KLHL14: variants seen among roughly 807,000 people sequenced by gnomAD.
KLHL14 encodes the protein kelch-like protein 14.
Under a neutral mutation model 64.3 loss-of-function variants are expected in KLHL14, and 22 were observed. The ratio of observed to expected loss-of-function variants is 0.34; its 90% CI spans 0.24 to 0.49. The LOEUF (loss-of-function observed/expected upper bound fraction) is 0.49, where lower values mean the gene tolerates loss of function less well. KLHL14 is among the 20% of genes least tolerant of loss of function. The pLI is 0.99. For synonymous variants in KLHL14, 322 were observed against 333.4 expected (o/e 0.97, Z 0.37); for missense variants, 661 against 789.0 (o/e 0.84, Z 1.94).
intron 2 of KLHL14, chr18:32,745,314 T>C (rs1348674642): frequency 6.6e-6 from 1 of 152,242 alleles, no homozygotes; most frequent in East Asian, 1.9e-4. Flanking sequence ...TTTGTGAAGA[T>C]GAACCAAATT....
At chr18:32,717,091 G>T (rs886643689) in intron 3 of KLHL14, among the ~76,000 whole-genome samples, 1 of 152,110 alleles carries the variant, frequency 6.6e-6, no homozygotes, top group African/African-American at 2.4e-5. Context: ...GGTCAACCTG[G>T]TTGTACCATA....
At position 32,770,296 on chromosome 18, in the gene KLHL14, G is replaced by A. The variant is rs371127442; in HGVS notation, c.296C>T (p.Pro99Leu). The A allele has an allele frequency of 4.6e-5, 73 of 1,586,736 alleles. No individual in the cohort carries two copies. The highest frequency in any genetic ancestry group is 5.9e-5 in the Non-Finnish European group (69 of 1,166,354). The change falls in exon 2 of 9, where the codon CCG (proline) becomes CTG (leucine). Residue 99 changes from proline to leucine, a missense_variant. By Grantham distance (98) the Pro-to-Leu change is moderately conservative. Coordinates refer to ENST00000359358, the MANE Select transcript of KLHL14 (RefSeq NM_020805.3). This position sits in a 1 kb window ranked among gnomAD's most constrained non-coding sequence, Gnocchi z 6.7. ...QQQPSQQQQP[P>L]PQEEPGTPSS... is the part of the protein sequence containing the mutation. Reference sequence around the variant, plus strand: ...AGGAGTCCCGGGCTCCTCCTGCGGCGGCGGCTGCTGCTGCTGTGACGGCTG... The same window carrying A: ...AGGAGTCCCGGGCTCCTCCTGCGGCAGCGGCTGCTGCTGCTGTGACGGCTG...
intron 5 of KLHL14, among the ~76,000 whole-genome samples, chr18:32,682,625 A>C (rs1225022077): frequency 6.6e-6 from 1 of 152,186 alleles, no homozygotes. Context: ...TCTAAATATA[A>C]AATAAAATTT....
At chr18:32,706,738 G>A (rs932215229) in intron 3 of KLHL14, among the ~76,000 whole-genome samples, 2 of 151,878 alleles carry the variant, frequency 1.3e-5, no homozygotes, top group African/African-American at 4.8e-5. Flanking sequence ...TTTTTAAGTC[G>A]TTATGGGAAT....
intron 5 of KLHL14, 111 bp downstream of exon 5, chr18:32,687,044 T>C: frequency 1.2e-6 from 1 of 859,600 alleles, no homozygotes; most frequent in Non-Finnish European, 1.9e-6. Flanking sequence ...TTTTGCCTCA[T>C]ATGTCTTTCA....
At chr18:32,678,612 A>G (rs1863644951) in intron 7 of KLHL14, among the ~76,000 whole-genome samples, 3 of 152,184 alleles carry the variant, frequency 2.0e-5, no homozygotes, top group Admixed American at 2.0e-4. Context: ...ATTTGAAGAT[A>G]TATGTGCCTT....
intron 3 of KLHL14, among the ~76,000 whole-genome samples, chr18:32,700,175 C>T (rs1568068347): frequency 6.6e-6 from 1 of 151,974 alleles, no homozygotes; most frequent in Non-Finnish European, 1.5e-5. Flanking sequence ...TCATGAATAT[C>T]CAAACAAGAG....
intron 3 of KLHL14, among the ~76,000 whole-genome samples, chr18:32,706,183 G>T (rs188220148): frequency 1.3e-5 from 2 of 152,286 alleles, no homozygotes; most frequent in East Asian, 3.9e-4. Flanking sequence ...GTGTATGCGT[G>T]ATGTCCAGTA....
chr18:32,764,163 AATATACTCGCCT>A (rs2050328601), intron 2 of KLHL14, among the ~76,000 whole-genome samples: 1 of 152,224 alleles, frequency 6.6e-6, no homozygotes, highest in Non-Finnish European at 1.5e-5. Flanking sequence ...TAGTGTGTTA[AATATACTCGCCT>A]ATTTTGATTT....
At chr18:32,743,356 G>A (rs1292275681) in intron 2 of KLHL14, 1 of 152,214 alleles carries the variant, frequency 6.6e-6, no homozygotes, top group Non-Finnish European at 1.5e-5. Flanking sequence ...TGTTGGTTAA[G>A]AACCTAACAT....
intron 2 of KLHL14, among the ~76,000 whole-genome samples, chr18:32,754,914 TG>T (rs2050273782): frequency 1.3e-5 from 2 of 152,152 alleles, no homozygotes; most frequent in Admixed American, 1.3e-4. Context: ...GAAATCATCC[TG>T]GGGCAAAGAT....
chr18:32,723,942 G>T (rs962533001), intron 3 of KLHL14, among the ~76,000 whole-genome samples: 3 of 152,018 alleles, frequency 2.0e-5, no homozygotes, highest in Non-Finnish European at 4.4e-5. Flanking sequence ...TGCATTATTT[G>T]CAAACAAGGA....
At chr18:32,750,957 A>T (rs972867065) in intron 2 of KLHL14, among the ~76,000 whole-genome samples, 1 of 151,996 alleles carries the variant, frequency 6.6e-6, no homozygotes, top group Non-Finnish European at 1.5e-5. Flanking sequence ...TCTTATTATA[A>T]CCTCTCTTTC....
At chr18:32,675,637 T>C (rs926152039) in intron 8 of KLHL14, among the ~76,000 whole-genome samples, 2 of 152,142 alleles carry the variant, frequency 1.3e-5, no homozygotes, top group African/African-American at 4.8e-5. Flanking sequence ...CTTAATCTTG[T>C]TTTCTTTGTC....
At chr18:32,757,312 G>A (rs1361474629) in intron 2 of KLHL14, among the ~76,000 whole-genome samples, 1 of 152,156 alleles carries the variant, frequency 6.6e-6, no homozygotes, top group Non-Finnish European at 1.5e-5. Flanking sequence ...AAACTGCCAG[G>A]AGACTGTAGC....
Position 32,674,788 on chromosome 18 carries a change from T to G in KLHL14, c.1756A>C (p.Lys586Gln), listed in dbSNP as rs1451495302. 1.3e-6 allele frequency: 1 copy of G among 780,722 alleles called. No individual in the cohort carries two copies. Among genetic ancestry groups the G allele is most frequent in the Admixed American group, 1.7e-5 (1 of 59,032 alleles). The allele number at this position is 780,722 out of a possible 1,614,324, so 48.4% of individuals were successfully genotyped here. Reference sequence around the variant, plus strand: ...GGACAATAGCATATTGTAGATGACTTGTAGGCCCCCTGTAATGACAGAGGA... The same window carrying G: ...GGACAATAGCATATTGTAGATGACTGGTAGGCCCCCTGTAATGACAGAGGA... The part of the protein sequence containing the change: ...GGYSWSMGAY[K>Q]SSTICYCPEK... The change falls in exon 9 of 9, where the codon AAG becomes CAG. Residue 586 changes from lysine to glutamine, a missense_variant. Physicochemically the swap from Lys to Gln is moderately conservative, Grantham distance 53. This residue lies in a region of KLHL14 where 330 missense variants were observed against 450.0 expected (regional missense o/e 0.73). Coordinates refer to ENST00000359358, the MANE Select transcript of KLHL14 (RefSeq NM_020805.3).
chr18:32,756,367 T>C (rs1026144848), intron 2 of KLHL14, among the ~76,000 whole-genome samples: 7 of 151,736 alleles, frequency 4.6e-5, no homozygotes, highest in Non-Finnish European at 7.4e-5. Context: ...AAATTTTTGT[T>C]AAGCCACTTG....
chr18:32,690,465 C>G (rs964086734), intron 4 of KLHL14, among the ~76,000 whole-genome samples: 1 of 152,132 alleles, frequency 6.6e-6, no homozygotes, highest in Non-Finnish European at 1.5e-5. Flanking sequence ...CATGGTGGCT[C>G]ATGCCTGTAA....
intron 2 of KLHL14, among the ~76,000 whole-genome samples, chr18:32,756,802 T>C (rs1290837118): frequency 6.6e-6 from 1 of 152,236 alleles, no homozygotes; most frequent in African/African-American, 2.4e-5. Context: ...GAAGTGACTG[T>C]CTAGAATTAG....
Sources: gnomAD v4.1 joint callset for allele counts (sites outside exome capture counted in the v4.1 genomes callset) on GRCh38, gnomAD v4.1.1 for gene constraint, gnomAD v4.1.1 regional missense constraint, Gnocchi (gnomAD v3.1) non-coding constraint, MANE v1.5 for transcripts, NCBI Gene and HGNC (gene_info 2026-07-23, HGNC 2026-07-21) for gene names.